The following FIGNL2 variants were observed in gnomAD, a reference collection of about 807,000 sequenced individuals.
FIGNL2 encodes the protein fidgetin-like protein 2.
For synonymous variants in FIGNL2, 565 were observed against 484.0 expected (o/e 1.17, Z -2.20); for missense variants, 1,060 against 950.2 (o/e 1.12, Z -1.52).
chr12:51,839,140 C>A (rs1238365698), intron 1 of FIGNL2, among the ~76,000 whole-genome samples: 1 of 151,490 alleles, frequency 6.6e-6, no homozygotes, highest in African/African-American at 2.4e-5. Context: ...CTCCTGACAG[C>A]CCACTGTGCC....
Position 51,833,544 on chromosome 12 carries a change from C to T in FIGNL2, c.-11-11120G>A, listed in dbSNP as rs992787278. Among the ~76,000 whole-genome samples the T allele has an allele frequency of 2.8e-4, 43 of 152,306 alleles. No homozygotes were observed. In the Middle Eastern group the frequency reaches 0.014, roughly 48 times the overall value. The stretch of plus-strand genomic sequence containing the variant: ...GGTCCTCATGGTCGGCTTCCATTAC[C>T]TCTCGGCCTCACCTGCTGCCACTGC... On this transcript the variant is annotated intron_variant, in intron 1 of 1. Transcript: ENST00000618634.
intron 1 of FIGNL2, chr12:51,828,428 C>G (rs901354921): frequency 2.0e-5 from 3 of 152,198 alleles, no homozygotes; most frequent in African/African-American, 7.2e-5. Context: ...GCTGGAACCC[C>G]GCTTGACTCT....
At chr12:51,838,730 C>T (rs1939615642) in intron 1 of FIGNL2, among the ~76,000 whole-genome samples, 1 of 152,182 alleles carries the variant, frequency 6.6e-6, no homozygotes. Flanking sequence ...CAGGCTCCAA[C>T]TCGCTCCTAG....
rs771323852 is a variant in FIGNL2 at position 51,820,540 on chromosome 12, G to A, written c.1874C>T (p.Ala625Val). ...CCTAGGGCCCACCTTGGCCAGCGCC[G>A]CCTCCAGGTCCTTGTAGGAGAGGGG... ...QRPLSYKDLE[A>V]ALAKVGPRAS... is the part of the protein sequence containing the mutation. Residue 625 changes from alanine to valine, a missense_variant, in exon 2 of 2, where the codon GCG (alanine) becomes GTG (valine). Ala to Val is a moderately conservative substitution (Grantham distance 64). Coordinates refer to ENST00000618634, the MANE Select transcript of FIGNL2 (RefSeq NM_001384995.1). 1.4e-5 allele frequency: 22 copies of A among 1,548,966 alleles called. No individual in the cohort carries two copies. The highest frequency in any genetic ancestry group is 1.8e-5 in the Non-Finnish European group (21 of 1,154,598).
At chr12:51,844,936 A>G in intron 1 of FIGNL2, 23 of 934,324 alleles carry the variant, frequency 2.5e-5, no homozygotes, top group Non-Finnish European at 2.9e-5. Flanking sequence ...GGAGGTCAGG[A>G]AACCCAGGCT....
At chr12:51,826,456 C>T (rs1289377806) in intron 1 of FIGNL2, among the ~76,000 whole-genome samples, 1 of 148,078 alleles carries the variant, frequency 6.8e-6, no homozygotes, top group African/African-American at 2.5e-5. Context: ...TGGTGAAACC[C>T]CTCTGTACTA....
intron 1 of FIGNL2, chr12:51,845,578 TC>T (rs1280202195): frequency 1.0e-6 from 1 of 985,252 alleles, no homozygotes; most frequent in African/African-American, 1.7e-5. Flanking sequence ...AGAGCCATGC[TC>T]CTTCCAGGAA....
intron 1 of FIGNL2, chr12:51,847,754 C>T (rs866086967): frequency 4.1e-6 from 4 of 985,300 alleles, no homozygotes; most frequent in Non-Finnish European, 2.4e-6. Flanking sequence ...GCGAAGGACC[C>T]TCTGCAGCGG....
At chr12:51,847,744 G>A in intron 1 of FIGNL2, 1 of 985,430 alleles carries the variant, frequency 1.0e-6, no homozygotes, top group Non-Finnish European at 1.2e-6. Context: ...TCAGCAATCT[G>A]CGAAGGACCC....
At chr12:51,847,750 G>T (rs1481023504) in intron 1 of FIGNL2, 1 of 985,290 alleles carries the variant, frequency 1.0e-6, no homozygotes, top group Middle Eastern at 5.2e-4. Flanking sequence ...ATCTGCGAAG[G>T]ACCCTCTGCA....
intron 1 of FIGNL2, among the ~76,000 whole-genome samples, 153 bp from the exon 2 acceptor site, chr12:51,822,577 C>T (rs965494111): frequency 6.6e-6 from 1 of 152,208 alleles, no homozygotes; most frequent in Non-Finnish European, 1.5e-5. Context: ...GGGGCCCTCC[C>T]TCCAGGCACC....
At chr12:51,833,988 G>GATGGATGGATGA (rs1939523009) in intron 1 of FIGNL2, among the ~76,000 whole-genome samples, 2 of 119,882 alleles carry the variant, frequency 1.7e-5, no homozygotes, top group Non-Finnish European at 4.0e-5. Context: ...CAAATGGACG[G>GATGGATGGATGA]ATGGATGGAT....
Position 51,820,946 on chromosome 12 carries a change from T to A in FIGNL2, c.1468A>T (p.Ile490Phe). The change falls in exon 2 of 2, where the codon ATC becomes TTC. Residue 490 changes from isoleucine (I) to phenylalanine (F), a missense_variant. By Grantham distance (21) the Ile-to-Phe change is conservative (BLOSUM62 0). Coordinates refer to ENST00000618634, the MANE Select transcript of FIGNL2 (RefSeq NM_001384995.1). ...ARCRPPSVLLISELEALLPAR... is the reference protein window; with the variant it reads ...ARCRPPSVLLFSELEALLPAR... Reference sequence around the variant, plus strand: ...GGGAGCAGCGCCTCTAGCTCGCTGATGAGGAGTACGGAGGGTGGGCGGCAG... The same window carrying A: ...GGGAGCAGCGCCTCTAGCTCGCTGAAGAGGAGTACGGAGGGTGGGCGGCAG... 1 of 1,289,648 alleles carries A rather than the reference T, an allele frequency of 7.8e-7. No individual in the cohort carries two copies. Among genetic ancestry groups the A allele is most frequent in the Non-Finnish European group, 9.7e-7 (1 of 1,025,666 alleles). 79.9% of individuals were successfully genotyped at this position (1,289,648 alleles called of 1,614,324 possible). A position where few individuals can be genotyped will look rare whatever the true frequency, so the allele number is the denominator to read the frequency against.
chr12:51,821,481 G>T lies in FIGNL2; in HGVS notation c.933C>A (p.Ala311=). Residue 311 remains alanine (A), a synonymous_variant, in exon 2 of 2, where the codon GCC becomes GCA. Transcript: ENST00000618634. ...CCTCCTCCGCGGCTCCTGGCGGCTT[G>T]GCCCGGAACCCGTTGCCCCGACATT... ...NGECRGNGFR[A]KPPGAAEEAS... The T allele has an allele frequency of 6.4e-7, 1 of 1,551,196 alleles. No individual in the cohort carries two copies. The highest frequency in any genetic ancestry group is 8.7e-7 in the Non-Finnish European group (1 of 1,154,708).
At chr12:51,828,425 C>T (rs1255670477) in intron 1 of FIGNL2, 1 of 152,212 alleles carries the variant, frequency 6.6e-6, no homozygotes, top group Non-Finnish European at 1.5e-5. Flanking sequence ...GAAGCTGGAA[C>T]CCCGCTTGAC....
At position 51,834,090 on chromosome 12, in the gene FIGNL2, C is replaced by T. The variant is rs199583008; in HGVS notation, c.-11-11666G>A. 9.0e-3 allele frequency among the ~76,000 whole-genome samples: 1,198 copies of T among 132,776 alleles called. 66 individuals carry two copies. The highest frequency in any genetic ancestry group is 0.013 in the Non-Finnish European group (812 of 61,532). 87.1% of individuals were successfully genotyped at this position (132,776 alleles called of 152,430 possible). A position where few individuals can be genotyped will look rare whatever the true frequency, so the allele number is the denominator to read the frequency against. ...ACAGATGGATGAATAGACAGACAGACGGATGGGTGGATGGATGGTTGGATG... is the reference window on the plus strand; with the variant it reads ...ACAGATGGATGAATAGACAGACAGATGGATGGGTGGATGGATGGTTGGATG... On this transcript the variant is annotated intron_variant, in intron 1 of 1. Transcript: ENST00000618634.
In FIGNL2 at chr12:51,848,402, C is replaced by A. The variant is rs1016114744; in HGVS notation, c.-12+138G>T. 3.0e-6 allele frequency: 3 copies of A among 984,164 alleles called. No individual in the cohort carries two copies. The South Asian group carries it at 1.4e-4, about 46-fold the overall frequency. 61.0% of individuals were successfully genotyped at this position (984,164 alleles called of 1,614,324 possible). A position where few individuals can be genotyped will look rare whatever the true frequency, so the allele number is the denominator to read the frequency against. ...CTCGCCGGCCCTGCCCTCCGACCCCCGCCGAGCTGAACCCCGCGACTAGCA... is the reference window on the plus strand; with the variant it reads ...CTCGCCGGCCCTGCCCTCCGACCCCAGCCGAGCTGAACCCCGCGACTAGCA... On this transcript the variant is annotated intron_variant, in intron 1 of 1. Transcript: ENST00000618634.
chr12:51,822,330 C>T lies in FIGNL2; in HGVS notation c.84G>A (p.Pro28=), dbSNP rs771094874. The T allele has an allele frequency of 8.7e-6, 14 of 1,613,068 alleles. No individual in the cohort carries two copies. The Middle Eastern group carries it at 6.6e-4, about 76-fold the overall frequency. The change falls in exon 2 of 2, where the codon CCG becomes CCA. Residue 28 remains proline (P), a synonymous_variant. Transcript: ENST00000618634. The stretch of plus-strand genomic sequence containing the variant: ...CAGGGGGCAACTCCAACTTGTGGGC[C>T]GGCGACGGGGTGGTGGAGGAGACGT... ...HLDVSSTTPS[P]AHKLELPPGG...
At chr12:51,829,443 C>T (rs1450755666) in intron 1 of FIGNL2, among the ~76,000 whole-genome samples, 2 of 152,120 alleles carry the variant, frequency 1.3e-5, no homozygotes, top group South Asian at 2.1e-4. Flanking sequence ...CCTGCCACAG[C>T]CCTGGCACCT....
Sources: allele counts gnomAD v4.1 joint callset (sites outside exome capture counted in the v4.1 genomes callset), GRCh38; gene constraint gnomAD v4.1.1; transcripts MANE v1.5; gene names NCBI Gene and HGNC (gene_info 2026-07-23, HGNC 2026-07-21).